The following PRKG1 variants were observed in gnomAD, a reference collection of about 807,000 sequenced individuals.
PRKG1 encodes cGMP-dependent protein kinase 1.
A neutral mutation model predicts 88.1 loss-of-function variants in PRKG1; 35 were observed. The observed-to-expected ratio is 0.40, with a 90% CI of 0.30 to 0.53. The LOEUF (loss-of-function observed/expected upper bound fraction) is 0.53. PRKG1 is among the 20% of genes least tolerant of loss of function. PRKG1 has a pLI of 0.59. For synonymous variants in PRKG1, 303 were observed against 292.5 expected (o/e 1.04, Z -0.37); for missense variants, 540 against 839.8 (o/e 0.64, Z 4.41).
At chr10:51,284,776 T>C (rs1016602606) in intron 2 of PRKG1, among the ~76,000 whole-genome samples, 3 of 151,872 alleles carry the variant, frequency 2.0e-5, no homozygotes, top group African/African-American at 7.3e-5. Flanking sequence ...TTTATATATA[T>C]ATTTTTTGTA....
intron 3 of PRKG1, among the ~76,000 whole-genome samples, chr10:51,582,142 G>A (rs1048087724): frequency 3.3e-5 from 5 of 152,114 alleles, no homozygotes; most frequent in African/African-American, 1.2e-4. Flanking sequence ...TGCTATGATA[G>A]CCTCAGAACC....
intron 10 of PRKG1, among the ~76,000 whole-genome samples, 154 bp from the exon 11 acceptor site, chr10:52,271,196 T>C (rs965383360): frequency 6.6e-5 from 10 of 151,968 alleles, no homozygotes; most frequent in Non-Finnish European, 1.2e-4. Flanking sequence ...GAGCCCTGGA[T>C]GTTAAACGCA....
At chr10:51,202,647 C>G (rs1056936051) in intron 2 of PRKG1, among the ~76,000 whole-genome samples, 3 of 152,092 alleles carry the variant, frequency 2.0e-5, no homozygotes, top group Admixed American at 1.3e-4. Flanking sequence ...AAAAGAAATA[C>G]AAGGGTAGTT....
chr10:51,590,809 G>A (rs966893855), intron 3 of PRKG1, among the ~76,000 whole-genome samples: 2 of 147,648 alleles, frequency 1.4e-5, no homozygotes, highest in Admixed American at 6.6e-5. Flanking sequence ...CTACCATTTC[G>A]ATATGGGGGG....
At chr10:51,316,284 A>G (rs970096679) in intron 2 of PRKG1, among the ~76,000 whole-genome samples, 45 of 152,242 alleles carry the variant, frequency 3.0e-4, no homozygotes, top group African/African-American at 9.2e-4. Context: ...TAATTATGAT[A>G]AATCAAATGA....
At chr10:52,075,375 G>T (rs1455017969) in intron 7 of PRKG1, among the ~76,000 whole-genome samples, 1 of 152,108 alleles carries the variant, frequency 6.6e-6, no homozygotes, top group Non-Finnish European at 1.5e-5. Context: ...GATTTTTTTG[G>T]TTGAAATTGA....
At chr10:51,728,227 C>G (rs1296477845) in intron 3 of PRKG1, among the ~76,000 whole-genome samples, 1 of 151,884 alleles carries the variant, frequency 6.6e-6, no homozygotes, top group African/African-American at 2.4e-5. Flanking sequence ...AGAGAAAGTG[C>G]AAAGTAATTG....
At chr10:51,544,076 TA>T (rs943043433) in intron 3 of PRKG1, among the ~76,000 whole-genome samples, 2 of 152,148 alleles carry the variant, frequency 1.3e-5, no homozygotes, top group African/African-American at 4.8e-5. Context: ...AATTATACTT[TA>T]AGTTCTAGGG....
chr10:51,755,798 G>A (rs1266481902), intron 3 of PRKG1, among the ~76,000 whole-genome samples: 1 of 152,068 alleles, frequency 6.6e-6, no homozygotes, highest in African/African-American at 2.4e-5. Context: ...AATCAAAATG[G>A]TACTTATAAA....
At chr10:51,692,774 A>G (rs780259612) in intron 3 of PRKG1, among the ~76,000 whole-genome samples, 2 of 152,210 alleles carry the variant, frequency 1.3e-5, no homozygotes, top group South Asian at 2.1e-4. Context: ...CACGTCAGAT[A>G]TATTTTTTTA....
chr10:52,075,366 A>AT (rs1381946982), intron 7 of PRKG1, among the ~76,000 whole-genome samples: 1 of 152,150 alleles, frequency 6.6e-6, no homozygotes. Context: ...TGTTACTAAG[A>AT]TTTTTTTGGT....
intron 2 of PRKG1, among the ~76,000 whole-genome samples, chr10:51,389,999 T>C (rs544736697): frequency 7.9e-5 from 12 of 152,328 alleles, no homozygotes; most frequent in African/African-American, 2.6e-4. Context: ...TCTGGCAGAA[T>C]GTCATCCCTC....
At chr10:51,675,772 C>G (rs1212514337) in intron 3 of PRKG1, among the ~76,000 whole-genome samples, 2 of 152,052 alleles carry the variant, frequency 1.3e-5, no homozygotes, top group Non-Finnish European at 2.9e-5. Flanking sequence ...TGTAATATTC[C>G]TAAAGACTTT....
At chr10:52,239,280 C>A (rs1165576015) in intron 9 of PRKG1, among the ~76,000 whole-genome samples, 7 of 141,300 alleles carry the variant, frequency 5.0e-5, no homozygotes, top group Non-Finnish European at 7.6e-5. Flanking sequence ...ATGTAACTAA[C>A]CTGCACAATG....
chr10:51,769,077 A>T lies in PRKG1; in HGVS notation c.593-35508A>T, dbSNP rs145339836. 6.6e-5 allele frequency among the ~76,000 whole-genome samples: 10 copies of T among 152,316 alleles called. 1 individual carries two copies. The highest frequency in any genetic ancestry group is 2.4e-4 in the African/African-American group (10 of 41,568). ...CAACTGTTTGTTCTGGGTGATTTCAATATTCACTAGAACAGTGCTTCTCTC... is the reference window on the plus strand; with the variant it reads ...CAACTGTTTGTTCTGGGTGATTTCATTATTCACTAGAACAGTGCTTCTCTC... On this transcript the variant is annotated intron_variant, in intron 3 of 17. Coordinates refer to ENST00000373980, the MANE Select transcript of PRKG1 (RefSeq NM_006258.4).
At chr10:51,548,461 A>G (rs2132123621) in intron 3 of PRKG1, among the ~76,000 whole-genome samples, 1 of 152,242 alleles carries the variant, frequency 6.6e-6, no homozygotes, top group South Asian at 2.1e-4. Flanking sequence ...TTGGCATATC[A>G]CAGACCAGAA....
chr10:51,039,800 T>C (rs1367585508), intron 1 of PRKG1, among the ~76,000 whole-genome samples: 1 of 152,218 alleles, frequency 6.6e-6, no homozygotes, highest in Non-Finnish European at 1.5e-5. Flanking sequence ...TTTGTTCTTC[T>C]GCATATGGAT....
chr10:51,146,421 T>A (rs1226462509), intron 1 of PRKG1, among the ~76,000 whole-genome samples: 2 of 126,158 alleles, frequency 1.6e-5, no homozygotes, highest in Admixed American at 1.6e-4. Context: ...CATGTTTTAA[T>A]CAAATTATTA....
chr10:51,584,741 A>G (rs945546337), intron 3 of PRKG1, among the ~76,000 whole-genome samples: 13 of 152,078 alleles, frequency 8.5e-5, no homozygotes, highest in African/African-American at 3.1e-4. Flanking sequence ...TTTGTGCACG[A>G]TTTACAGTTC....
Sources: allele counts gnomAD v4.1 joint callset (sites outside exome capture counted in the v4.1 genomes callset), GRCh38; gene constraint gnomAD v4.1.1; transcripts MANE v1.5; gene names NCBI Gene and HGNC (gene_info 2026-07-23, HGNC 2026-07-21).